The following DSCAM variants were observed in gnomAD, a reference collection of about 807,000 sequenced individuals.
The protein encoded by DSCAM is DS cell adhesion molecule.
DSCAM carries 47 observed loss-of-function variants against 217.7 expected under a neutral mutation model. That is an observed-to-expected ratio of 0.22 (90% confidence interval 0.17 to 0.28). The LOEUF (loss-of-function observed/expected upper bound fraction) is 0.28. Ranked by LOEUF, DSCAM falls within the 10% of genes least tolerant of loss-of-function variation. DSCAM has a pLI of 1.00. For missense variants in DSCAM, 2,080 were observed against 2,618.3 expected (o/e 0.79, Z 4.49); for synonymous variants, 1,056 against 1,015.3 (o/e 1.04, Z -0.76).
chr21:40,370,254 T>A (rs1202096841), intron 3 of DSCAM, among the ~76,000 whole-genome samples: 1 of 148,436 alleles, frequency 6.7e-6, no homozygotes, highest in Non-Finnish European at 1.5e-5. Context: ...GTCTTTTACT[T>A]TAAAAAAAAA....
intron 3 of DSCAM, among the ~76,000 whole-genome samples, chr21:40,681,601 T>C (rs963114053): frequency 6.6e-6 from 1 of 151,820 alleles, no homozygotes; most frequent in African/African-American, 2.4e-5. Flanking sequence ...AATAAAGAAT[T>C]GGAAGAATTT....
chr21:40,308,977 G>T (rs1341076526), intron 9 of DSCAM, among the ~76,000 whole-genome samples: 1 of 152,112 alleles, frequency 6.6e-6, no homozygotes, highest in African/African-American at 2.4e-5. Context: ...AATTCTGGTT[G>T]CATTCACTAA....
chr21:40,595,976 C>T (rs1405831977), intron 3 of DSCAM, among the ~76,000 whole-genome samples: 1 of 152,186 alleles, frequency 6.6e-6, no homozygotes, highest in African/African-American at 2.4e-5. Context: ...AGTGCATGTG[C>T]GTGTCTGGAC....
chr21:40,525,008 T>TAAAAAAAAAAAAAAA (rs2076389060), intron 3 of DSCAM, among the ~76,000 whole-genome samples: 1 of 59,970 alleles, frequency 1.7e-5, no homozygotes, highest in Non-Finnish European at 2.6e-5. Context: ...AGACTCAGTC[T>TAAAAAAAAAAAAAAA]CAAAAAAAAA....
rs747942534 is a variant in DSCAM, at chr21:40,052,095, G to A, written c.5048C>T (p.Thr1683Met). ...AAAGTCAGCATCCGTCAACAGAACCGTGGAGCGATCATCTACAGGATGGCA... is the reference window on the plus strand; with the variant it reads ...AAAGTCAGCATCCGTCAACAGAACCATGGAGCGATCATCTACAGGATGGCA... ...DTMETIDDRS[T>M]VLLTDADFGE... The change falls in exon 30 of 33, where the codon ACG becomes ATG. Residue 1683 changes from threonine (T) to methionine (M), a missense_variant. Physicochemically the swap from Thr to Met is moderately conservative, Grantham distance 81. Transcript: ENST00000400454. The A allele has an allele frequency of 2.5e-5, 40 of 1,613,796 alleles. No individual in the cohort carries two copies. Among genetic ancestry groups the A allele is most frequent in the East Asian group, 4.5e-5 (2 of 44,848 alleles).
chr21:40,682,147 T>C (rs1209902890), intron 3 of DSCAM, among the ~76,000 whole-genome samples: 5 of 151,820 alleles, frequency 3.3e-5, no homozygotes, highest in Non-Finnish European at 5.9e-5. Context: ...GGGAAATTCC[T>C]TTGTGGTCAT....
intron 20 of DSCAM, among the ~76,000 whole-genome samples, chr21:40,114,336 G>T (rs1410962362): frequency 6.6e-6 from 1 of 150,888 alleles, no homozygotes; most frequent in Non-Finnish European, 1.5e-5. Flanking sequence ...TTAATATATG[G>T]TGCTGGGAAA....
chr21:40,334,540 A>G (rs949512317), intron 8 of DSCAM, among the ~76,000 whole-genome samples: 52 of 152,182 alleles, frequency 3.4e-4, no homozygotes, highest in African/African-American at 1.2e-3. Context: ...GGTCCAAGCC[A>G]CCATCATCTC....
At chr21:40,678,710 C>T (rs1009669190) in intron 3 of DSCAM, among the ~76,000 whole-genome samples, 1 of 152,170 alleles carries the variant, frequency 6.6e-6, no homozygotes, top group African/African-American at 2.4e-5. Context: ...CTATTTGAAA[C>T]AACATGCCCT....
intron 3 of DSCAM, among the ~76,000 whole-genome samples, chr21:40,480,484 A>G (rs2075973055): frequency 6.6e-6 from 1 of 152,202 alleles, no homozygotes; most frequent in Admixed American, 6.5e-5. Context: ...TTGAAGCTAT[A>G]TTTTTGCAAA....
At chr21:40,743,610 T>C (rs2091146605) in intron 1 of DSCAM, among the ~76,000 whole-genome samples, 1 of 152,132 alleles carries the variant, frequency 6.6e-6, no homozygotes, top group Non-Finnish European at 1.5e-5. Flanking sequence ...CAAATGTATA[T>C]TTTAAAAAAT....
At chr21:40,544,288 C>T (rs750935101) in intron 3 of DSCAM, among the ~76,000 whole-genome samples, 2 of 152,132 alleles carry the variant, frequency 1.3e-5, no homozygotes, top group Admixed American at 6.5e-5. Flanking sequence ...TCTGTCACAT[C>T]GGAAACTTCA....
intron 11 of DSCAM, among the ~76,000 whole-genome samples, chr21:40,256,624 T>G (rs2073376023): frequency 6.6e-6 from 1 of 152,194 alleles, no homozygotes; most frequent in African/African-American, 2.4e-5. Context: ...TCCAGGGACT[T>G]CAGTCTGTTT....
At chr21:40,196,104 C>T (rs9981386) in intron 11 of DSCAM, among the ~76,000 whole-genome samples, 62,639 of 152,108 alleles carry the variant, frequency 0.41, 13,008 homozygotes, top group Middle Eastern at 0.45. Context: ...AGGGTGCAGA[C>T]CCACTGGCCT....
At chr21:40,071,065 C>T (rs1381336678) in intron 27 of DSCAM, among the ~76,000 whole-genome samples, 4 of 152,152 alleles carry the variant, frequency 2.6e-5, no homozygotes, top group Non-Finnish European at 5.9e-5. Context: ...TGCCTTCTTG[C>T]GTAAATGCGT....
chr21:40,547,041 G>C (rs950442439), intron 3 of DSCAM, among the ~76,000 whole-genome samples: 1 of 152,084 alleles, frequency 6.6e-6, no homozygotes, highest in Non-Finnish European at 1.5e-5. Context: ...ATAACATCAA[G>C]CAGAGCAACT....
intron 3 of DSCAM, among the ~76,000 whole-genome samples, chr21:40,651,286 T>C (rs2090010400): frequency 6.6e-6 from 1 of 152,194 alleles, no homozygotes; most frequent in Non-Finnish European, 1.5e-5. Flanking sequence ...TTGAGGGTCT[T>C]CAGGCAAATT....
intron 3 of DSCAM, among the ~76,000 whole-genome samples, chr21:40,651,673 C>T (rs2090015773): frequency 6.6e-6 from 1 of 152,162 alleles, no homozygotes; most frequent in African/African-American, 2.4e-5. Context: ...CGCAGCTTTA[C>T]AAGGCTGCAG....
At chr21:40,793,184 G>A (rs898321590) in intron 1 of DSCAM, among the ~76,000 whole-genome samples, 4 of 152,162 alleles carry the variant, frequency 2.6e-5, no homozygotes, top group Non-Finnish European at 2.9e-5. Context: ...TGAACTCTTA[G>A]TCCTTCAGCT....
Sources: allele counts gnomAD v4.1 joint callset (sites outside exome capture counted in the v4.1 genomes callset), GRCh38; gene constraint gnomAD v4.1.1; transcripts MANE v1.5; gene names NCBI Gene and HGNC (gene_info 2026-07-23, HGNC 2026-07-21).